The following BCAS3 variants were observed in gnomAD, a reference collection of about 807,000 sequenced individuals.
The protein encoded by BCAS3 is BCAS4/BCAS3 fusion.
In BCAS3, 53 loss-of-function variants were observed where a neutral mutation model predicts 116.1. That is an observed-to-expected ratio of 0.46 (90% CI 0.37 to 0.57). The LOEUF is 0.57. Ranked by LOEUF, BCAS3 falls within the 20% of genes least tolerant of loss-of-function variation. The pLI is 0.00. For missense variants in BCAS3, 917 were observed against 1,165.4 expected (o/e 0.79, Z 3.10); for synonymous variants, 391 against 408.2 (o/e 0.96, Z 0.51).
chr17:60,871,320 C>A (rs149269661), intron 8 of BCAS3, among the ~76,000 whole-genome samples: 1 of 152,096 alleles, frequency 6.6e-6, no homozygotes, highest in Non-Finnish European at 1.5e-5. Flanking sequence ...TGTGCCACCA[C>A]GCCTGGCTAA....
At chr17:60,889,911 A>G in intron 10 of BCAS3, 140 bp downstream of exon 10, 1 of 752,026 alleles carries the variant, frequency 1.3e-6, no homozygotes, top group Non-Finnish European at 2.2e-6. Flanking sequence ...TTTGGTTTTA[A>G]TTGTGCAACT....
chr17:60,831,494 T>C (rs549516704), intron 7 of BCAS3, among the ~76,000 whole-genome samples: 1 of 152,360 alleles, frequency 6.6e-6, no homozygotes, highest in South Asian at 2.1e-4. Context: ...GTCTTCCTTA[T>C]GTTAACTGAT....
chr17:60,732,664 C>A (rs1334932960), intron 5 of BCAS3, among the ~76,000 whole-genome samples: 1 of 152,042 alleles, frequency 6.6e-6, no homozygotes, highest in Non-Finnish European at 1.5e-5. Context: ...CATGGTGAAA[C>A]CCCGTGTCTA....
In BCAS3 at chr17:60,799,522, TTG is replaced by T. The variant is rs1345426506; in HGVS notation, c.404-8480_404-8479del. Among the ~76,000 whole-genome samples the T allele has an allele frequency of 2.0e-4, 27 of 135,926 alleles. 2 individuals carry two copies. Among genetic ancestry groups the T allele is most frequent in the Middle Eastern group, 3.5e-3 (1 of 284 alleles). The allele number at this position is 135,926 out of a possible 152,430, so 89.2% of individuals were successfully genotyped here. ...TATGTAAGTTTTTTGAGATTAGTGT[TTG>T]TTTTTTTTTTTTTTTTTTTTTGGAG... On this transcript the variant is annotated intron_variant, in intron 6 of 23. Transcript: ENST00000407086.
At chr17:61,318,647 G>C (rs970428822) in intron 22 of BCAS3, among the ~76,000 whole-genome samples, 1 of 152,226 alleles carries the variant, frequency 6.6e-6, no homozygotes, top group African/African-American at 2.4e-5. Flanking sequence ...TTGTGTTGGG[G>C]TTTCTGAAGA....
Position 61,188,226 on chromosome 17 carries a change from G to T in BCAS3, c.2425+103662G>T, listed in dbSNP as rs2079894348. 6.6e-6 allele frequency among the ~76,000 whole-genome samples: 1 copy of T among 152,154 alleles called. No homozygotes were observed. The highest frequency in any genetic ancestry group is 1.5e-5 in the Non-Finnish European group (1 of 68,020). ...TCCAACTCTTAAACTAGCAAGTTTTGTTGTTGTTTAACTTTAAGGATCTAT... is the reference window on the plus strand; with the variant it reads ...TCCAACTCTTAAACTAGCAAGTTTTTTTGTTGTTTAACTTTAAGGATCTAT... On this transcript the variant is annotated intron_variant, in intron 22 of 23. Coordinates refer to ENST00000407086, the MANE Select transcript of BCAS3 (RefSeq NM_017679.5). The surrounding 1 kb of genome is among the most constrained non-coding windows in gnomAD (Gnocchi z 4.0).
intron 22 of BCAS3, among the ~76,000 whole-genome samples, chr17:61,314,435 G>A (rs1370674482): frequency 2.0e-5 from 3 of 152,206 alleles, no homozygotes; most frequent in Non-Finnish European, 2.9e-5. Context: ...CCATCTGACC[G>A]CATTCCCTCT....
rs1223156578 is a variant in BCAS3 at position 60,739,309 on chromosome 17, A to G, written c.322-7889A>G. ...TTATTTTGAACAAACTATTATCTGT[A>G]AAAAAATCAGTAAGAAAAATAAGTT... On this transcript the variant is annotated intron_variant, in intron 5 of 23. Transcript: ENST00000407086. Among the ~76,000 whole-genome samples, 8 of 152,218 alleles carry G rather than the reference A, an allele frequency of 5.3e-5. No homozygotes were observed. In the East Asian group the frequency reaches 1.5e-3, roughly 29 times the overall value.
In BCAS3 at chr17:60,993,785, A is replaced by C. The variant is rs553606717; in HGVS notation, c.1486+3550A>C. On this transcript the variant is annotated intron_variant, in intron 15 of 23. Transcript: ENST00000407086. The surrounding 1 kb of genome is among the most constrained non-coding windows in gnomAD (Gnocchi z 4.2). ...TTGTCTGTGCTCTTTTTAGCCAAGT[A>C]AAGGAAACTGTTAAATAACAGTTGA... is the stretch of plus-strand genomic sequence containing the variant. Among the ~76,000 whole-genome samples the C allele has an allele frequency of 6.6e-6, 1 of 152,304 alleles. No homozygotes were observed. The highest frequency in any genetic ancestry group is 2.1e-4 in the South Asian group (1 of 4,824).
chr17:61,345,073 C>A (rs1017428768), intron 22 of BCAS3, among the ~76,000 whole-genome samples: 1 of 152,176 alleles, frequency 6.6e-6, no homozygotes, highest in South Asian at 2.1e-4. Context: ...TCCTCCACCT[C>A]GGGATGCCAC....
chr17:60,847,171 G>A (rs1010430556), intron 7 of BCAS3, among the ~76,000 whole-genome samples: 2 of 151,974 alleles, frequency 1.3e-5, no homozygotes, highest in African/African-American at 2.4e-5. Flanking sequence ...TTTTATGGCC[G>A]AATAATATTA....
chr17:60,867,120 T>G (rs545019193), intron 7 of BCAS3, among the ~76,000 whole-genome samples: 235 of 151,896 alleles, frequency 1.5e-3, no homozygotes, highest in African/African-American at 4.0e-3. Context: ...TTTTGTTTTT[T>G]TTTTTTGAGG....
At chr17:60,802,924 C>T (rs1386975121) in intron 6 of BCAS3, among the ~76,000 whole-genome samples, 6 of 152,094 alleles carry the variant, frequency 3.9e-5, no homozygotes, top group Admixed American at 1.3e-4. Context: ...GTCTATTTGT[C>T]GACTTTTAAC....
intron 4 of BCAS3, among the ~76,000 whole-genome samples, chr17:60,705,694 G>C (rs1451133116): frequency 6.6e-6 from 1 of 152,120 alleles, no homozygotes; most frequent in Non-Finnish European, 1.5e-5. Flanking sequence ...AGTGCCAGAT[G>C]ATGAGGAAGA....
intron 11 of BCAS3, among the ~76,000 whole-genome samples, chr17:60,905,857 GT>G (rs2058161085): frequency 6.6e-6 from 1 of 152,188 alleles, no homozygotes; most frequent in African/African-American, 2.4e-5. Context: ...GGTGTAGTGG[GT>G]TGGTTGGACC....
At chr17:60,829,974 G>A (rs77629831) in intron 7 of BCAS3, among the ~76,000 whole-genome samples, 33,284 of 151,860 alleles carry the variant, frequency 0.22, 4,702 homozygotes, top group African/African-American at 0.41. Flanking sequence ...CAAATGTTGA[G>A]CACTTTTTAA....
At position 61,300,597 on chromosome 17, in the gene BCAS3, A is replaced by C. The variant is rs546179152; in HGVS notation, c.2426-67730A>C. On this transcript the variant is annotated intron_variant, in intron 22 of 23. Coordinates refer to ENST00000407086, the MANE Select transcript of BCAS3 (RefSeq NM_017679.5). This position sits in a 1 kb window ranked among gnomAD's most constrained non-coding sequence, Gnocchi z 5.1. ...AAAGAAAAATGTATGGCAGTAAGTA[A>C]TGCCATGCGAGGGCAAGCTGGGAAC... Among the ~76,000 whole-genome samples the C allele has an allele frequency of 2.6e-4, 39 of 152,352 alleles. 2 individuals are homozygous for C. The South Asian group carries it at 7.9e-3, about 31-fold the overall frequency.
rs2073271179 is a variant in BCAS3 at position 61,088,551 on chromosome 17, A to G, written c.2425+3987A>G. On this transcript the variant is annotated intron_variant, in intron 22 of 23. Coordinates refer to ENST00000407086, the MANE Select transcript of BCAS3 (RefSeq NM_017679.5). This position sits in a 1 kb window ranked among gnomAD's most constrained non-coding sequence, Gnocchi z 4.2. The stretch of plus-strand genomic sequence containing the variant: ...TGATAAAGATGTAGGACCTCTAAAG[A>G]GAAAGCAGAAAGACAGCTGTCAATG... Among the ~76,000 whole-genome samples, 1 of 152,244 alleles carries G rather than the reference A, an allele frequency of 6.6e-6. No homozygotes were observed. The highest frequency in any genetic ancestry group is 6.5e-5 in the Admixed American group (1 of 15,292).
At chr17:61,080,093 T>TG (rs2072437779) in intron 21 of BCAS3, among the ~76,000 whole-genome samples, 1 of 149,378 alleles carries the variant, frequency 6.7e-6, no homozygotes, top group South Asian at 2.2e-4. Flanking sequence ...TTAGTAGAGA[T>TG]GGAGTTTCAC....
Sources: allele counts gnomAD v4.1 joint callset (sites outside exome capture counted in the v4.1 genomes callset), GRCh38; gene constraint gnomAD v4.1.1; non-coding constraint Gnocchi (gnomAD v3.1); transcripts MANE v1.5; gene names NCBI Gene and HGNC (gene_info 2026-07-23, HGNC 2026-07-21).